Variants in SOX5 observed in about 807,000 individuals in gnomAD.
SOX5 encodes the protein transcription factor SOX-5.
SOX5 carries 9 observed loss-of-function variants against 92.0 expected under a neutral mutation model. The observed-to-expected ratio is 0.10, with a 90% CI of 0.06 to 0.17. SOX5 has a LOEUF of 0.17. Among genes scored for constraint, SOX5 ranks in the 10% least tolerant of loss-of-function variants. The pLI is 1.00. For missense variants in SOX5, 642 were observed against 944.5 expected, an observed-to-expected ratio of 0.68 and a Z score of 4.20; for synonymous variants, 344 against 336.3, an observed-to-expected ratio of 1.02 and a Z score of -0.25.
At chr12:24,481,224 A>G (rs1945953363) in intron 1 of SOX5, among the ~76,000 whole-genome samples, 1 of 152,078 alleles carries the variant, frequency 6.6e-6, no homozygotes, top group Non-Finnish European at 1.5e-5. Flanking sequence ...GACCTCATGG[A>G]GATAAAGAGT....
At chr12:23,809,091 T>C (rs1341243446) in intron 3 of SOX5, among the ~76,000 whole-genome samples, 1 of 152,138 alleles carries the variant, frequency 6.6e-6, no homozygotes, top group Non-Finnish European at 1.5e-5. Flanking sequence ...AAATTTGGTG[T>C]GTGTATGGGA....
intron 10 of SOX5, among the ~76,000 whole-genome samples, chr12:23,568,210 T>C (rs1947492713): frequency 6.6e-6 from 1 of 152,090 alleles, no homozygotes; most frequent in Admixed American, 6.5e-5. Context: ...CAGGCAGAGA[T>C]TGGAGTTATG....
In SOX5 at chr12:23,640,833, G is replaced by A. The variant is rs765035223; in HGVS notation, c.996C>T (p.Gly332=). The part of the protein sequence containing the change: ...TMAAAAAATP[G]LGPLQLQQLY... ...TTACCTGCAGTTGGAGTGGGCCTAA[G>A]CCTGGTGTTGCTGCGGCAGCAGCTG... The change falls in exon 8 of 15, where the codon GGC becomes GGT. Residue 332 remains glycine, a synonymous_variant. Coordinates refer to ENST00000451604, the MANE Select transcript of SOX5 (RefSeq NM_006940.6). 18 of 1,613,840 alleles carry A rather than the reference G, an allele frequency of 1.1e-5. No individual in the cohort carries two copies. The highest frequency in any genetic ancestry group is 7.6e-6 in the Non-Finnish European group (9 of 1,179,732).
chr12:23,653,515 T>C (rs1277087430), intron 7 of SOX5, among the ~76,000 whole-genome samples: 1 of 152,104 alleles, frequency 6.6e-6, no homozygotes, highest in African/African-American at 2.4e-5. Context: ...CCTTATTCTG[T>C]CTGTTCGGGC....
chr12:23,630,079 A>G (rs1274547849), intron 8 of SOX5, among the ~76,000 whole-genome samples: 1 of 151,988 alleles, frequency 6.6e-6, no homozygotes, highest in East Asian at 1.9e-4. Flanking sequence ...TTGAATGGCT[A>G]TACAAGAAAA....
At chr12:23,628,192 C>T (rs1333947028) in intron 8 of SOX5, among the ~76,000 whole-genome samples, 2 of 151,928 alleles carry the variant, frequency 1.3e-5, no homozygotes, top group Admixed American at 6.6e-5. Flanking sequence ...TTTAGTTATA[C>T]TATTCCTAAT....
intron 1 of SOX5, among the ~76,000 whole-genome samples, chr12:24,425,870 A>G (rs1311164554): frequency 2.6e-5 from 4 of 152,178 alleles, no homozygotes; most frequent in Non-Finnish European, 4.4e-5. Context: ...GTCTCCAAAC[A>G]TTTACTGAAG....
intron 2 of SOX5, among the ~76,000 whole-genome samples, chr12:24,342,174 G>A (rs757877259): frequency 9.9e-5 from 15 of 152,214 alleles, no homozygotes; most frequent in Admixed American, 7.2e-4. Flanking sequence ...TATGGTTAAC[G>A]TCTCAGATCA....
At chr12:23,824,214 T>C (rs2096183297) in intron 3 of SOX5, among the ~76,000 whole-genome samples, 1 of 152,260 alleles carries the variant, frequency 6.6e-6, no homozygotes, top group Admixed American at 6.5e-5. Context: ...TTTTGGAATT[T>C]TCAGCCTTTT....
Position 24,506,940 on chromosome 12 carries a change from G to A in SOX5, c.-251+55389C>T, listed in dbSNP as rs1157065707. 6.6e-5 allele frequency among the ~76,000 whole-genome samples: 10 copies of A among 151,568 alleles called. No individual in the cohort carries two copies. In the East Asian group the frequency reaches 7.8e-4, roughly 12 times the overall value. On this transcript the variant is annotated intron_variant, in intron 1 of 4. Coordinates refer to the SOX5 transcript ENST00000446891. ...CAAGTAGCTGGGACTACAGGCGCCC[G>A]CCACTGCACCCGGCTAATTTTTTGT...
chr12:23,640,751 A>G (rs1225537637), intron 8 of SOX5, 61 bp downstream of exon 8: 5 of 1,202,876 alleles, frequency 4.2e-6, no homozygotes, highest in Admixed American at 1.7e-5. Flanking sequence ...CTTTAACACC[A>G]TAATAGCTGT....
intron 1 of SOX5, among the ~76,000 whole-genome samples, chr12:23,930,319 C>G (rs981451962): frequency 2.0e-5 from 3 of 151,662 alleles, no homozygotes; most frequent in Non-Finnish European, 2.9e-5. Flanking sequence ...CACAAAATGC[C>G]ATTTTTATTA....
chr12:23,618,254 C>G (rs2076799705), intron 8 of SOX5, among the ~76,000 whole-genome samples: 1 of 152,082 alleles, frequency 6.6e-6, no homozygotes, highest in Non-Finnish European at 1.5e-5. Context: ...GCTTGTTCAT[C>G]AGGAGAAAAA....
At chr12:24,308,287 A>C (rs900565981) in intron 2 of SOX5, among the ~76,000 whole-genome samples, 1 of 152,190 alleles carries the variant, frequency 6.6e-6, no homozygotes, top group African/African-American at 2.4e-5. Flanking sequence ...CCAGGGAAAA[A>C]GTAACGCAAG....
chr12:23,999,039 C>A (rs1028346715), intron 4 of SOX5, among the ~76,000 whole-genome samples: 2 of 151,802 alleles, frequency 1.3e-5, no homozygotes, highest in African/African-American at 4.8e-5. Context: ...AAATAAAACA[C>A]AACCACATTA....
intron 7 of SOX5, 41 bp downstream of exon 7, chr12:23,665,403 G>GCC: frequency 6.2e-7 from 1 of 1,608,456 alleles, no homozygotes; most frequent in Non-Finnish European, 8.5e-7. Context: ...TTAAAGCTTT[G>GCC]CCCTCCACCC....
chr12:23,722,256 C>A (rs961817637), intron 6 of SOX5, among the ~76,000 whole-genome samples: 1 of 152,082 alleles, frequency 6.6e-6, no homozygotes, highest in Non-Finnish European at 1.5e-5. Flanking sequence ...AAGAAATATA[C>A]CCTTACCTGA....
chr12:24,306,190 G>A (rs942919923), intron 2 of SOX5, among the ~76,000 whole-genome samples: 1 of 152,178 alleles, frequency 6.6e-6, no homozygotes, highest in African/African-American at 2.4e-5. Context: ...GGGGAAAGTG[G>A]GCGTTTGCTG....
intron 4 of SOX5, among the ~76,000 whole-genome samples, chr12:24,145,486 G>T (rs770907155): frequency 7.9e-5 from 12 of 152,038 alleles, no homozygotes; most frequent in Non-Finnish European, 1.6e-4. Context: ...GATTAAAAAA[G>T]ATATAACACA....
Sources: allele counts gnomAD v4.1 joint callset (sites outside exome capture counted in the v4.1 genomes callset), GRCh38; gene constraint gnomAD v4.1.1; transcripts MANE v1.5; gene names NCBI Gene and HGNC (gene_info 2026-07-23, HGNC 2026-07-21).